NGLY1: variants seen among roughly 807,000 people sequenced by gnomAD.
NGLY1 encodes the protein peptide-N(4)-(N-acetyl-beta-glucosaminyl)asparagine amidase.
Under a neutral mutation model 84.6 loss-of-function variants are expected in NGLY1, and 68 were observed. The ratio of observed to expected loss-of-function variants is 0.80; its 90% confidence interval spans 0.66 to 0.98. NGLY1 has a LOEUF of 0.98. Ranked by LOEUF, NGLY1 falls within the 50% of genes least tolerant of loss-of-function variation. NGLY1 has a pLI of 0.00. For missense variants in NGLY1, 779 were observed against 770.2 expected, an observed-to-expected ratio of 1.01 and a Z score of -0.14; for synonymous variants, 280 against 275.2, an observed-to-expected ratio of 1.02 and a Z score of -0.17.
intron 2 of NGLY1, 83 bp downstream of exon 2, chr3:25,778,491 T>C (rs559635540): frequency 2.9e-6 from 2 of 691,606 alleles, no homozygotes; most frequent in Non-Finnish European, 4.7e-6. Context: ...AAAAACATTA[T>C]CTTATTCAAA....
At chr3:25,789,734 G>C in intron 1 of NGLY1, 1 of 1,190,628 alleles carries the variant, frequency 8.4e-7, no homozygotes, top group Non-Finnish European at 1.2e-6. Flanking sequence ...TGAAACTGCA[G>C]AGAATTTCCT....
intron 1 of NGLY1, among the ~76,000 whole-genome samples, chr3:25,780,694 C>T (rs1708373786): frequency 6.6e-6 from 1 of 152,146 alleles, no homozygotes; most frequent in Non-Finnish European, 1.5e-5. Flanking sequence ...GCCATCAAAG[C>T]TCATTGCTGC....
chr3:25,734,117 A>G (rs931493122), intron 7 of NGLY1, 135 bp from the exon 8 acceptor site: 1 of 1,243,644 alleles, frequency 8.0e-7, no homozygotes, highest in Non-Finnish European at 1.1e-6. Flanking sequence ...TCCAGGCTAG[A>G]GTGCAGTGGC....
intron 2 of NGLY1, among the ~76,000 whole-genome samples, chr3:25,772,277 T>G (rs745982241): frequency 5.9e-5 from 9 of 152,220 alleles, no homozygotes; most frequent in Non-Finnish European, 1.3e-4. Context: ...TGTTGTTGTC[T>G]ATCTCATTTC....
At chr3:25,789,289 A>T (rs1708670837) in intron 1 of NGLY1, among the ~76,000 whole-genome samples, 1 of 151,450 alleles carries the variant, frequency 6.6e-6, no homozygotes, top group Admixed American at 6.6e-5. Context: ...TCTGGTGATA[A>T]TTTTTTTTTA....
At chr3:25,784,527 C>T (rs1252801405), upstream of NGLY1, among the ~76,000 whole-genome samples, 3 of 152,176 alleles carry the variant, frequency 2.0e-5, no homozygotes, top group Non-Finnish European at 2.9e-5. Flanking sequence ...TGAAAGTGTA[C>T]TTTACCAGTG....
At chr3:25,780,436 T>C (rs1466895990) in intron 1 of NGLY1, among the ~76,000 whole-genome samples, 1 of 152,192 alleles carries the variant, frequency 6.6e-6, no homozygotes, top group East Asian at 1.9e-4. Context: ...GTGATAAACA[T>C]GTCAGTACCA....
intron 3 of NGLY1, chr3:25,755,584 T>C (rs1474653840): frequency 2.8e-6 from 4 of 1,444,858 alleles, no homozygotes; most frequent in Non-Finnish European, 2.9e-6. Flanking sequence ...AATATTCTTA[T>C]TCCCATCAAC....
chr3:25,754,927 G>T, intron 3 of NGLY1: 1 of 712,670 alleles, frequency 1.4e-6, no homozygotes, highest in South Asian at 1.6e-5. Context: ...TGGATAACAT[G>T]GAATTGGGCA....
intron 4 of NGLY1, chr3:25,749,420 A>C: frequency 1.1e-6 from 1 of 912,058 alleles, no homozygotes; most frequent in South Asian, 1.3e-5. Flanking sequence ...ATTCACCTTA[A>C]AAAGGAAGGA....
At chr3:25,748,406 C>T (rs1007516640) in intron 4 of NGLY1, among the ~76,000 whole-genome samples, 2 of 152,116 alleles carry the variant, frequency 1.3e-5, no homozygotes, top group East Asian at 3.9e-4. Flanking sequence ...GAATTTGAAG[C>T]CTCTGATACC....
At chr3:25,732,538 A>G in intron 8 of NGLY1, 55 bp from the exon 9 acceptor site, 2 of 1,352,762 alleles carry the variant, frequency 1.5e-6, no homozygotes, top group Non-Finnish European at 2.0e-6. Context: ...GTATAGGTCC[A>G]TCTCTAAGCA....
intron 3 of NGLY1, among the ~76,000 whole-genome samples, chr3:25,752,638 T>C (rs1479693736): frequency 5.4e-5 from 8 of 148,076 alleles, no homozygotes; most frequent in Admixed American, 5.4e-4. Context: ...CAAGATCCTA[T>C]CTCTTAAAAA....
At chr3:25,755,630 C>G (rs933959704) in intron 3 of NGLY1, 2 of 1,490,062 alleles carry the variant, frequency 1.3e-6, no homozygotes, top group African/African-American at 1.4e-5. Flanking sequence ...ATGAAGCAAA[C>G]CCACTGAAGA....
Position 25,773,670 on chromosome 3 carries a change from T to C in NGLY1, c.246+4904A>G, listed in dbSNP as rs1825981. ...ATTGCTACTATGCTAGTGTGATCTT[T>C]TGGGGATGTTAAAGAACCCTGTTTT... On this transcript the variant is annotated intron_variant, in intron 2 of 11. Transcript: ENST00000280700. Among the ~76,000 whole-genome samples, 615 of 152,334 alleles carry C rather than the reference T, an allele frequency of 4.0e-3. 10 individuals are homozygous for C. In the South Asian group the frequency reaches 0.057, roughly 14 times the overall value.
rs1446839404 is a variant in NGLY1 at position 25,737,243 on chromosome 3, A to G, written c.1003+91T>C. On this transcript the variant is annotated intron_variant, in intron 6 of 11. Coordinates refer to ENST00000280700, the MANE Select transcript of NGLY1 (RefSeq NM_018297.4). ...TGGAAGGTCAGACTGACAAGGCCAA[A>G]AAGTAACAGAGAATCATGGGCTCAG... The G allele has an allele frequency of 3.5e-6, 4 of 1,158,000 alleles. No homozygotes were observed. In the Admixed American group the frequency reaches 1.2e-4, roughly 36 times the overall value. The allele number at this position is 1,158,000 out of a possible 1,614,324, so 71.7% of individuals were successfully genotyped here. A position where few individuals can be genotyped will look rare whatever the true frequency, so the allele number is the denominator to read the frequency against.
intron 4 of NGLY1, among the ~76,000 whole-genome samples, chr3:25,743,813 C>A (rs959504463): frequency 6.6e-6 from 1 of 152,108 alleles, no homozygotes; most frequent in Admixed American, 6.5e-5. Context: ...TTACATACTC[C>A]AGGTATAATC....
Position 25,782,574 on chromosome 3 carries a change from G to A in NGLY1, c.131+686C>T, listed in dbSNP as rs1708467937. Among the ~76,000 whole-genome samples the A allele has an allele frequency of 2.0e-5, 3 of 152,240 alleles. No individual in the cohort carries two copies. The South Asian group carries it at 6.2e-4, about 32-fold the overall frequency. ...AGTGCAATTTTGCTGACAGGAGAAT[G>A]AAGGAAATTACTCTCATCCAAGGCG... On this transcript the variant is annotated intron_variant, in intron 1 of 11. Coordinates refer to ENST00000280700, the MANE Select transcript of NGLY1 (RefSeq NM_018297.4).
upstream of NGLY1, among the ~76,000 whole-genome samples, chr3:25,787,587 CAA>C (rs1708632511): frequency 2.0e-5 from 3 of 152,262 alleles, no homozygotes; most frequent in African/African-American, 7.2e-5. Flanking sequence ...TTGTTCAAGA[CAA>C]AGAGGAGTAA....
Sources: allele counts gnomAD v4.1 joint callset (sites outside exome capture counted in the v4.1 genomes callset), GRCh38; gene constraint gnomAD v4.1.1; transcripts MANE v1.5; gene names NCBI Gene and HGNC (gene_info 2026-07-23, HGNC 2026-07-21).